SUGP2: variants seen among roughly 807,000 people sequenced by gnomAD.
SUGP2 encodes the protein SURP and G-patch domain-containing protein 2.
SUGP2 carries 24 observed loss-of-function variants against 90.5 expected under a neutral mutation model. The observed-to-expected ratio is 0.27, with a 90% CI of 0.19 to 0.37. SUGP2 has a LOEUF of 0.37. Ranked by LOEUF, SUGP2 falls within the 10% of genes least tolerant of loss-of-function variation. SUGP2 has a pLI of 1.00. For missense variants in SUGP2, 1,233 were observed against 1,363.3 expected (o/e 0.90, Z 1.51); for synonymous variants, 473 against 513.4 (o/e 0.92, Z 1.06).
intron 5 of SUGP2, 141 bp downstream of exon 5, chr19:19,009,714 G>T: frequency 9.2e-7 from 1 of 1,090,922 alleles, no homozygotes; most frequent in Non-Finnish European, 1.3e-6. Flanking sequence ...GCGCCAACAT[G>T]TACACTTGTC....
chr19:19,024,905 G>A lies in SUGP2; in HGVS notation c.1443C>T (p.Ala481=), dbSNP rs770092496. ...CCAAGGAAAATGTCTGTCCCAAAAG[G>A]GCCAAAGACTTCCGGCAGAGAGAGT... ...TTNSLCRKSL[A]LLGQTFSLAS... is the part of the protein sequence containing the mutation. Residue 481 remains alanine, a synonymous_variant, in exon 3 of 11, where the codon GCC becomes GCT. Transcript: ENST00000452918. 2 of 1,614,124 alleles carry A rather than the reference G, an allele frequency of 1.2e-6. No individual in the cohort carries two copies. Among genetic ancestry groups the A allele is most frequent in the Admixed American group, 3.3e-5 (2 of 60,014 alleles).
At chr19:18,997,507 G>A (rs943716740) in intron 8 of SUGP2, among the ~76,000 whole-genome samples, 1 of 152,146 alleles carries the variant, frequency 6.6e-6, no homozygotes, top group Non-Finnish European at 1.5e-5. Flanking sequence ...CCCTAAGGCT[G>A]GGCGCGGTGG....
chr19:19,008,497 T>G, intron 5 of SUGP2, 69 bp from the exon 6 acceptor site: 1 of 1,236,720 alleles, frequency 8.1e-7, no homozygotes, highest in East Asian at 2.3e-5. Flanking sequence ...CACTGCAGGG[T>G]TGTGGAGGCT....
In SUGP2 at chr19:19,004,478, C is replaced by G; in HGVS notation, c.2619G>C (p.Glu873Asp). 2 of 1,614,258 alleles carry G rather than the reference C, an allele frequency of 1.2e-6. No individual in the cohort carries two copies. Among genetic ancestry groups the G allele is most frequent in the Non-Finnish European group, 1.7e-6 (2 of 1,180,048 alleles). ...SPVDLMEGEA[E>D]FEDEPPPREA... Reference sequence around the variant, plus strand: ...CCCGCGGAGGGGGCTCGTCTTCAAACTCTGCTTCCCCTTCCATGAGGTCCA... The same window carrying G: ...CCCGCGGAGGGGGCTCGTCTTCAAAGTCTGCTTCCCCTTCCATGAGGTCCA... The change falls in exon 7 of 11, where the codon GAG becomes GAC. Residue 873 changes from glutamate (E) to aspartate (D), a missense_variant. Physicochemically the swap from Glu to Asp is conservative, Grantham distance 45. Transcript: ENST00000452918.
intron 6 of SUGP2, chr19:19,007,406 C>T (rs570928237): frequency 6.6e-6 from 1 of 152,528 alleles, no homozygotes; most frequent in African/African-American, 2.4e-5. Flanking sequence ...AAATGTCCCT[C>T]TGGGGAGGTT....
chr19:19,024,587 C>T (rs2058851437), intron 3 of SUGP2, 32 bp downstream of exon 3: 1 of 1,564,402 alleles, frequency 6.4e-7, no homozygotes, highest in African/African-American at 1.4e-5. Flanking sequence ...ACACGAAAAA[C>T]AACAAATAGA....
chr19:19,032,570 T>C lies in SUGP2; in HGVS notation c.-12+867A>G, dbSNP rs562143472. 7.2e-5 allele frequency among the ~76,000 whole-genome samples: 11 copies of C among 152,048 alleles called. No homozygotes were observed. In the East Asian group the frequency reaches 1.9e-3, roughly 27 times the overall value. On this transcript the variant is annotated intron_variant, in intron 1 of 10. Transcript: ENST00000452918. ...AGTGAGTGGCGGGACCCCCAACCAA[T>C]GACAATGAACTAGTGACAGTTCATT... is the stretch of plus-strand genomic sequence containing the variant.
chr19:19,032,618 C>A (rs1158429707), intron 1 of SUGP2, among the ~76,000 whole-genome samples: 1 of 152,132 alleles, frequency 6.6e-6, no homozygotes, highest in Non-Finnish European at 1.5e-5. Flanking sequence ...CTTGCGCGAT[C>A]TCCCAACCAC....
At position 19,025,658 on chromosome 19, in the gene SUGP2, C is replaced by T. The variant is rs201215044; in HGVS notation, c.690G>A (p.Glu230=). The T allele has an allele frequency of 1.2e-4, 191 of 1,614,030 alleles. No individual in the cohort carries two copies. The highest frequency in any genetic ancestry group is 8.5e-4 in the Admixed American group (51 of 59,990). ...CCTTAGCTGTGAGCAGGCCCTGAGT[C>T]TCCCCCTTTCCTAGGAGGGAACCTT... ...DQEGSLLGKG[E]TQGLLTAKGG... The change falls in exon 3 of 11, where the codon GAG becomes GAA. Residue 230 remains glutamate, a synonymous_variant. Coordinates refer to ENST00000452918, the MANE Select transcript of SUGP2 (RefSeq NM_001017392.5).
At chr19:19,009,566 C>T (rs887022860) in intron 5 of SUGP2, among the ~76,000 whole-genome samples, 4 of 152,062 alleles carry the variant, frequency 2.6e-5, no homozygotes, top group Admixed American at 1.3e-4. Context: ...GGCAATGCAC[C>T]GCCCACGGCC....
upstream of SUGP2, chr19:19,033,654 C>T (rs1286621592): frequency 2.2e-5 from 20 of 900,928 alleles, no homozygotes; most frequent in South Asian, 1.7e-4. Context: ...TGGGCGGACG[C>T]TCTGGAGGCA....
chr19:18,995,178 A>G lies in SUGP2; in HGVS notation c.3094T>C (p.Ser1032Pro). ...GGCTCCCTGATGCCCTTTCCGAGGGAGCCCAGGCCATGGCCCTCCTTCCAG... is the reference window on the plus strand; with the variant it reads ...GGCTCCCTGATGCCCTTTCCGAGGGGGCCCAGGCCATGGCCCTCCTTCCAG... ...MGWKEGHGLG[S>P]LGKGIREPVS... The change falls in exon 9 of 11, where the codon TCC becomes CCC. Residue 1032 changes from serine to proline, a missense_variant. Coordinates refer to ENST00000452918, the MANE Select transcript of SUGP2 (RefSeq NM_001017392.5). 1 of 1,520,980 alleles carries G rather than the reference A, an allele frequency of 6.6e-7. No individual in the cohort carries two copies. Among genetic ancestry groups the G allele is most frequent in the Non-Finnish European group, 8.9e-7 (1 of 1,124,768 alleles). 94.2% of individuals were successfully genotyped at this position (1,520,980 alleles called of 1,614,324 possible). A position where few individuals can be genotyped will look rare whatever the true frequency, so the allele number is the denominator to read the frequency against.
At position 19,025,788 on chromosome 19, in the gene SUGP2, T is replaced by C. The variant is rs753937981; in HGVS notation, c.560A>G (p.Glu187Gly). 6.2e-7 allele frequency: 1 copy of C among 1,613,914 alleles called. No homozygotes were observed. Residue 187 changes from glutamate to glycine, a missense_variant, in exon 3 of 11, where the codon GAG becomes GGG. Glu to Gly is a moderately conservative substitution (Grantham distance 98, BLOSUM62 -2). Transcript: ENST00000452918. ...RLIEKECLEK[E>G]SRDYDVDHPG... ...ATGGTCCACGTCATAATCCCGACTC[T>C]CCTTCTCCAAACACTCTTTCTCAAT...
intron 8 of SUGP2, among the ~76,000 whole-genome samples, chr19:19,000,933 G>A (rs2057805041): frequency 6.6e-6 from 1 of 151,840 alleles, no homozygotes; most frequent in African/African-American, 2.4e-5. Flanking sequence ...TTAAACTCTT[G>A]GACTCAAGCG....
chr19:19,017,927 C>CTTTTTTTTT (rs1264966084), intron 4 of SUGP2, among the ~76,000 whole-genome samples: 1 of 140,092 alleles, frequency 7.1e-6, no homozygotes, highest in African/African-American at 2.7e-5. Flanking sequence ...CTGATCATCA[C>CTTTTTTTTT]TTTTTTTTTT....
At chr19:19,028,937 T>A (rs940950669) in intron 2 of SUGP2, among the ~76,000 whole-genome samples, 2 of 152,194 alleles carry the variant, frequency 1.3e-5, no homozygotes, top group African/African-American at 4.8e-5. Flanking sequence ...TCTGCCCACC[T>A]TGGCCTCCCA....
At chr19:19,012,175 C>T (rs974592700) in intron 4 of SUGP2, among the ~76,000 whole-genome samples, 2 of 152,234 alleles carry the variant, frequency 1.3e-5, no homozygotes. Context: ...TGAGTACCGG[C>T]TCCACTGCTG....
At position 19,024,637 on chromosome 19, in the gene SUGP2, G is replaced by T. The variant is rs761042175; in HGVS notation, c.1711C>A (p.Pro571Thr). The T allele has an allele frequency of 6.2e-7, 1 of 1,613,816 alleles. No homozygotes were observed. Among genetic ancestry groups the T allele is most frequent in the South Asian group, 1.1e-5 (1 of 91,056 alleles). Residue 571 changes from proline to threonine, a missense_variant, in exon 3 of 11, where the codon CCA becomes ACA. Around this residue, in one of 8 missense-constraint regions of SUGP2, gnomAD observed 540 missense variants for 542.6 expected, o/e 1.00. Coordinates refer to ENST00000452918, the MANE Select transcript of SUGP2 (RefSeq NM_001017392.5). ...TCCTTACCATCACTCAGACTACTTGGAGCCTTGGCCTGAATTTCAGGTTTC... is the reference window on the plus strand; with the variant it reads ...TCCTTACCATCACTCAGACTACTTGTAGCCTTGGCCTGAATTTCAGGTTTC... ...PTKPEIQAKA[P>T]SSLSDAVPQR...
chr19:19,031,206 G>T, intron 1 of SUGP2, 124 bp from the exon 2 acceptor site: 1 of 987,930 alleles, frequency 1.0e-6, no homozygotes, highest in Non-Finnish European at 1.5e-6. Context: ...TCAGGAGTTC[G>T]AGACCAGCCT....
Sources: allele counts gnomAD v4.1 joint callset (sites outside exome capture counted in the v4.1 genomes callset), GRCh38; gene constraint gnomAD v4.1.1; regional missense constraint gnomAD v4.1.1; transcripts MANE v1.5; gene names NCBI Gene and HGNC (gene_info 2026-07-23, HGNC 2026-07-21).